The following DTNA variants were observed in gnomAD, a reference collection of about 807,000 sequenced individuals.
DTNA encodes the protein dystrobrevin alpha, also known as dystrophin-related protein 3.
Under a neutral mutation model 100.7 loss-of-function variants are expected in DTNA, and 43 were observed. The observed-to-expected ratio is 0.43, with a 90% CI of 0.33 to 0.55. DTNA has a LOEUF of 0.55. Among genes scored for constraint, DTNA ranks in the 20% least tolerant of loss-of-function variants. The probability of loss-of-function intolerance (pLI) is 0.04; values close to 1 mark genes in which losing one functional copy is unlikely to be tolerated. For synonymous variants in DTNA, 349 were observed against 347.9 expected, an observed-to-expected ratio of 1.00 and a Z score of -0.04; for missense variants, 798 against 953.9, an observed-to-expected ratio of 0.84 and a Z score of 2.15.
At chr18:34,823,892 T>C (rs939078819) in intron 9 of DTNA, among the ~76,000 whole-genome samples, 3 of 152,206 alleles carry the variant, frequency 2.0e-5, no homozygotes, top group African/African-American at 7.2e-5. Context: ...GCATCCTCTG[T>C]CCTGTACTGA....
intron 1 of DTNA, among the ~76,000 whole-genome samples, chr18:34,746,653 G>C (rs946178726): frequency 3.3e-5 from 5 of 152,156 alleles, no homozygotes; most frequent in Non-Finnish European, 7.4e-5. Context: ...GACTCTGGAG[G>C]TCCTTTTGAT....
intron 1 of DTNA, chr18:34,755,668 G>A (rs140085202): frequency 1.4e-3 from 460 of 328,968 alleles, no homozygotes; most frequent in Non-Finnish European, 2.0e-3. Flanking sequence ...AATGGGAAAC[G>A]AGTCACCTAA....
At chr18:34,539,147 G>A (rs906117217) in intron 1 of DTNA, among the ~76,000 whole-genome samples, 2 of 151,904 alleles carry the variant, frequency 1.3e-5, no homozygotes, top group Non-Finnish European at 2.9e-5. Flanking sequence ...TGCATTGATG[G>A]TCCAGGAGTA....
intron 3 of DTNA, among the ~76,000 whole-genome samples, chr18:34,777,765 A>T (rs1352339052): frequency 6.6e-6 from 1 of 152,204 alleles, no homozygotes; most frequent in Non-Finnish European, 1.5e-5. Context: ...CATGGGGGAA[A>T]CTGCCCCCAT....
upstream of DTNA, chr18:34,709,507 A>G (rs2082524355): frequency 6.6e-6 from 1 of 152,118 alleles, no homozygotes; most frequent in Non-Finnish European, 1.5e-5. Context: ...AGGACTGGTA[A>G]TGCGCTGAAG....
At chr18:34,513,475 A>G (rs1163979269) in intron 1 of DTNA, 5 of 152,180 alleles carry the variant, frequency 3.3e-5, no homozygotes, top group African/African-American at 1.2e-4. Context: ...TGCCAGATAC[A>G]AAGCTGATAA....
At chr18:34,882,257 CT>C in intron 21 of DTNA, 56 bp downstream of exon 21, 2 of 1,602,696 alleles carry the variant, frequency 1.2e-6, no homozygotes, top group Non-Finnish European at 8.5e-7. Flanking sequence ...CCCTTGGTAG[CT>C]GGGTCTTTGA....
intron 1 of DTNA, among the ~76,000 whole-genome samples, chr18:34,656,875 TTTTG>T (rs574100790): frequency 6.6e-6 from 1 of 152,138 alleles, no homozygotes; most frequent in Non-Finnish European, 1.5e-5. Context: ...CATAGCCTTT[TTTTG>T]TTTGTTTGTT....
At chr18:34,506,136 G>C (rs904231891) in intron 1 of DTNA, among the ~76,000 whole-genome samples, 2 of 152,164 alleles carry the variant, frequency 1.3e-5, no homozygotes, top group Non-Finnish European at 1.5e-5. Flanking sequence ...CCTCCTTTAT[G>C]TTCCCCATGT....
intron 1 of DTNA, among the ~76,000 whole-genome samples, chr18:34,616,470 A>G (rs2147724876): frequency 6.6e-6 from 1 of 152,236 alleles, no homozygotes; most frequent in East Asian, 1.9e-4. Context: ...TATGACAAAG[A>G]TCTACTATCC....
intron 1 of DTNA, among the ~76,000 whole-genome samples, chr18:34,575,948 C>T (rs964960055): frequency 1.3e-5 from 2 of 152,166 alleles, no homozygotes; most frequent in African/African-American, 4.8e-5. Context: ...AAGACATTTC[C>T]AGTGCTTAAT....
intron 1 of DTNA, among the ~76,000 whole-genome samples, chr18:34,754,658 G>A (rs2092647214): frequency 1.3e-5 from 2 of 152,212 alleles, no homozygotes; most frequent in South Asian, 2.1e-4. Context: ...TAATTATAGT[G>A]TATATTTATG....
intron 3 of DTNA, among the ~76,000 whole-genome samples, chr18:34,788,062 C>T (rs554250092): frequency 6.6e-6 from 1 of 152,284 alleles, no homozygotes; most frequent in Admixed American, 6.5e-5. Context: ...CTCCTATCTC[C>T]TGTGCCTAGT....
chr18:34,632,582 T>C (rs2058207015), intron 1 of DTNA, among the ~76,000 whole-genome samples: 1 of 152,172 alleles, frequency 6.6e-6, no homozygotes, highest in African/African-American at 2.4e-5. Flanking sequence ...GTTTCAGAAA[T>C]CATTCAGCCC....
chr18:34,638,127 G>C (rs1013042772), intron 1 of DTNA, among the ~76,000 whole-genome samples: 2 of 152,126 alleles, frequency 1.3e-5, no homozygotes, highest in African/African-American at 4.8e-5. Context: ...AAAATGCTTG[G>C]CATAAGTTAG....
chr18:34,508,875 A>G (rs1601263284), intron 1 of DTNA, among the ~76,000 whole-genome samples: 1 of 152,236 alleles, frequency 6.6e-6, no homozygotes, highest in East Asian at 1.9e-4. Flanking sequence ...TACCCTTTAT[A>G]CACTTTTTTG....
intron 1 of DTNA, among the ~76,000 whole-genome samples, chr18:34,636,155 AT>A (rs983762314): frequency 3.3e-5 from 5 of 152,058 alleles, no homozygotes; most frequent in African/African-American, 9.6e-5. Flanking sequence ...AAGAAAATTA[AT>A]TTTTTTTGAG....
intron 7 of DTNA, among the ~76,000 whole-genome samples, chr18:34,816,429 C>T (rs966552821): frequency 6.6e-6 from 1 of 152,110 alleles, no homozygotes; most frequent in South Asian, 2.1e-4. Context: ...GATGATAGCA[C>T]CCTGTTAATC....
At chr18:34,518,525 CT>C (rs531747190) in intron 1 of DTNA, among the ~76,000 whole-genome samples, 37 of 150,428 alleles carry the variant, frequency 2.5e-4, no homozygotes, top group Admixed American at 8.0e-4. Flanking sequence ...TGAAGATTTT[CT>C]TTTTTTTTCC....
Sources: allele counts gnomAD v4.1 joint callset (sites outside exome capture counted in the v4.1 genomes callset), GRCh38; gene constraint gnomAD v4.1.1; transcripts MANE v1.5; gene names NCBI Gene and HGNC (gene_info 2026-07-23, HGNC 2026-07-21).